PIGS: variants seen among roughly 807,000 people sequenced by gnomAD.
PIGS encodes GPI-anchor transamidase component PIGS.
Under a neutral mutation model 58.2 loss-of-function variants are expected in PIGS, and 37 were observed. That is an observed-to-expected ratio of 0.64 (90% CI 0.49 to 0.84). The LOEUF (loss-of-function observed/expected upper bound fraction) is 0.84, where lower values mean the gene tolerates loss of function less well. Ranked by LOEUF, PIGS falls within the 40% of genes least tolerant of loss-of-function variation. The pLI is 0.00. For missense variants in PIGS, 629 were observed against 710.8 expected (o/e 0.88, Z 1.31); for synonymous variants, 269 against 289.2 (o/e 0.93, Z 0.71).
rs770493956 is a variant in PIGS, at chr17:28,553,638, T to TCA, written c.*581_*582insTG. ...CAAATCTGGAACTTTCTGGAACCTC[T>TCA]GACACACACACACACACACACACAC... On this transcript the variant is annotated 3_prime_UTR_variant, in exon 12 of 12. Coordinates refer to ENST00000308360, the MANE Select transcript of PIGS (RefSeq NM_033198.4). 9 of 59,156 alleles carry TCA rather than the reference T, an allele frequency of 1.5e-4. No homozygotes were observed. In the Admixed American group the frequency reaches 1.7e-3, roughly 11 times the overall value. The allele number at this position is 59,156 out of a possible 1,614,324, so 3.7% of individuals were successfully genotyped here.
At position 28,554,252 on chromosome 17, in the gene PIGS, T is replaced by C; in HGVS notation, c.1636A>G (p.Lys546Glu). The C allele has an allele frequency of 6.2e-7, 1 of 1,614,070 alleles. No homozygotes were observed. The highest frequency in any genetic ancestry group is 1.1e-5 in the South Asian group (1 of 91,082). The part of the protein sequence containing the change: ...SLVKIFLETR[K>E]SWRKPEKTD ...GTCTTCTCAGGCTTTCTCCAGGACT[T>C]GCGGGTCTCCAGGAAGATCTTGACC... is the stretch of plus-strand genomic sequence containing the variant. Residue 546 changes from lysine (K) to glutamate (E), a missense_variant, in exon 12 of 12, where the codon AAG (lysine) becomes GAG (glutamate). Coordinates refer to ENST00000308360, the MANE Select transcript of PIGS (RefSeq NM_033198.4).
intron 10 of PIGS, 194 bp from the exon 11 acceptor site, chr17:28,555,255 C>T (rs1343118979): frequency 1.8e-6 from 1 of 546,798 alleles, no homozygotes; most frequent in African/African-American, 2.0e-5. Flanking sequence ...AACGCTGCTT[C>T]AACAGGTGTT....
chr17:28,569,433 C>T (rs1366327796), intron 3 of PIGS, among the ~76,000 whole-genome samples: 1 of 150,136 alleles, frequency 6.7e-6, no homozygotes, highest in Non-Finnish European at 1.5e-5. Context: ...CCTGATCGTG[C>T]CACCATACTC....
chr17:28,562,214 T>C (rs983043154), intron 5 of PIGS, among the ~76,000 whole-genome samples: 21 of 152,130 alleles, frequency 1.4e-4, no homozygotes, highest in African/African-American at 5.1e-4. Context: ...AAATGTAAAA[T>C]TAAATACATT....
rs1173844355 is a variant in PIGS at position 28,553,518 on chromosome 17, G to A, written c.*702C>T. The A allele has an allele frequency of 6.5e-6, 1 of 152,788 alleles. No homozygotes were observed. Among genetic ancestry groups the A allele is most frequent in the Non-Finnish European group, 1.5e-5 (1 of 68,236 alleles). The allele number at this position is 152,788 out of a possible 1,614,324, so 9.5% of individuals were successfully genotyped here. On this transcript the variant is annotated 3_prime_UTR_variant, in exon 12 of 12. Coordinates refer to ENST00000308360, the MANE Select transcript of PIGS (RefSeq NM_033198.4). ...CATCATCAGTGCCATTTGAACAAAT[G>A]AAAAACTGAGGCTCAGAGAGATTCA...
chr17:28,560,275 T>G lies in PIGS; in HGVS notation c.677-84A>C, dbSNP rs1005066141. On this transcript the variant is annotated intron_variant, in intron 6 of 11. Coordinates refer to ENST00000308360, the MANE Select transcript of PIGS (RefSeq NM_033198.4). Reference sequence around the variant, plus strand: ...CCTGTACTCCCAGCTGAGCTGAACTTGTTTCTCCTCTGGAATGGGGCTGCT... The same window carrying G: ...CCTGTACTCCCAGCTGAGCTGAACTGGTTTCTCCTCTGGAATGGGGCTGCT... The G allele has an allele frequency of 5.4e-6, 8 of 1,477,082 alleles. No individual in the cohort carries two copies. The African/African-American group carries it at 5.7e-5, about 11-fold the overall frequency. The allele number at this position is 1,477,082 out of a possible 1,614,324, so 91.5% of individuals were successfully genotyped here. A position where few individuals can be genotyped will look rare whatever the true frequency, so the allele number is the denominator to read the frequency against.
chr17:28,556,762 A>G (rs1396776666), intron 9 of PIGS, 65 bp downstream of exon 9: 7 of 1,555,410 alleles, frequency 4.5e-6, no homozygotes, highest in Non-Finnish European at 6.1e-6. Context: ...GAAGGAACAC[A>G]GTTTCAGGGA....
chr17:28,566,297 G>A (rs1373596832), intron 3 of PIGS, among the ~76,000 whole-genome samples: 2 of 111,510 alleles, frequency 1.8e-5, no homozygotes, highest in East Asian at 2.5e-4. Context: ...TTGTTTTTTT[G>A]GGTTTTTTTT....
Position 28,557,031 on chromosome 17 carries a change from G to A in PIGS, c.935-59C>T, listed in dbSNP as rs900974154. 2.4e-5 allele frequency: 39 copies of A among 1,599,074 alleles called. 1 individual carries two copies. The Middle Eastern group carries it at 6.7e-4, about 27-fold the overall frequency. On this transcript the variant is annotated intron_variant, in intron 8 of 11. Coordinates refer to ENST00000308360, the MANE Select transcript of PIGS (RefSeq NM_033198.4). ...ATGCTGGACCTGGACCTTAGTCCCA[G>A]GTCGGCCTCTAACTTGCTGGTCACT...
At position 28,554,440 on chromosome 17, in the gene PIGS, T is replaced by A. The variant is rs750835568; in HGVS notation, c.1448A>T (p.His483Leu). The A allele has an allele frequency of 3.1e-6, 5 of 1,614,024 alleles. No individual in the cohort carries two copies. In the African/African-American group the frequency reaches 6.7e-5, roughly 22 times the overall value. ...GCTGGCGACAAAGGCAGATGCCAGGTGCCCAGACGCCAACTCTTCTGCCGA... is the reference window on the plus strand; with the variant it reads ...GCTGGCGACAAAGGCAGATGCCAGGAGCCCAGACGCCAACTCTTCTGCCGA... The part of the protein sequence containing the change: ...QKSAEELASG[H>L]LASAFVASQE... Residue 483 changes from histidine to leucine, a missense_variant, in exon 12 of 12, where the codon CAC (histidine) becomes CTC (leucine). By Grantham distance (99) the His-to-Leu change is moderately conservative. Transcript: ENST00000308360.
chr17:28,571,120 A>G lies in PIGS; in HGVS notation c.103T>C (p.Trp35Arg). ...CGGTAGGTCTCCGTGGTCTTCCACC[A>G]GAGCGGTAGCCCCAGCACGATGGCC... is the stretch of plus-strand genomic sequence containing the variant. ...AVAIVLGLPL[W>R]WKTTETYRAS... Residue 35 changes from tryptophan to arginine, a missense_variant, in exon 2 of 12, where the codon TGG becomes CGG. By Grantham distance (101) the Trp-to-Arg change is moderately radical. Coordinates refer to ENST00000308360, the MANE Select transcript of PIGS (RefSeq NM_033198.4). 1 of 1,613,988 alleles carries G rather than the reference A, an allele frequency of 6.2e-7. No individual in the cohort carries two copies. The highest frequency in any genetic ancestry group is 8.5e-7 in the Non-Finnish European group (1 of 1,180,042).
intron 6 of PIGS, 58 bp downstream of exon 6, chr17:28,561,364 C>A (rs1567615958): frequency 6.4e-7 from 1 of 1,567,986 alleles, no homozygotes; most frequent in African/African-American, 1.4e-5. Flanking sequence ...GCAGATTTCC[C>A]TCCTGCCCCA....
At position 28,561,479 on chromosome 17, in the gene PIGS, G is replaced by A. The variant is rs550692270; in HGVS notation, c.619C>T (p.His207Tyr). ...GCGCTCCACTTGTCCTCTGGAAGGT[G>A]GTCAGCCAGAGCAGCAGCAAGCACA... Reference protein sequence around the residue: ...EDVLAAALADHLPEDKWSAEK... With the variant: ...EDVLAAALADYLPEDKWSAEK... Residue 207 changes from histidine (H) to tyrosine (Y), a missense_variant, in exon 6 of 12, where the codon CAC (histidine) becomes TAC (tyrosine). By Grantham distance (83) the His-to-Tyr change is moderately conservative. Transcript: ENST00000308360. 5 of 1,614,062 alleles carry A rather than the reference G, an allele frequency of 3.1e-6. No homozygotes were observed. The East Asian group carries it at 1.1e-4, about 36-fold the overall frequency.
chr17:28,557,548 C>G (rs1235894932), intron 8 of PIGS: 2 of 155,658 alleles, frequency 1.3e-5, no homozygotes, highest in Admixed American at 6.5e-5. Flanking sequence ...CTTTTCTCTA[C>G]TCAGCACTGT....
chr17:28,570,269 G>C (rs1403010162), intron 3 of PIGS, among the ~76,000 whole-genome samples: 1 of 152,244 alleles, frequency 6.6e-6, no homozygotes, highest in Non-Finnish European at 1.5e-5. Context: ...CCAACACTTT[G>C]GGAGGCTGAG....
At chr17:28,564,620 C>T (rs2070384254) in intron 3 of PIGS, among the ~76,000 whole-genome samples, 1 of 150,632 alleles carries the variant, frequency 6.6e-6, no homozygotes, top group South Asian at 2.1e-4. Context: ...GAAGCTCAGG[C>T]AAGAGAATCA....
rs2151513024 is a variant in PIGS at position 28,561,454 on chromosome 17, G to A, written c.644C>T (p.Ala215Val). The change falls in exon 6 of 12, where the codon GCT becomes GTT. Residue 215 changes from alanine to valine, a missense_variant. Coordinates refer to ENST00000308360, the MANE Select transcript of PIGS (RefSeq NM_033198.4). ...GGACTTGAGAGGCCGCCTCTTCTCA[G>A]CGCTCCACTTGTCCTCTGGAAGGTG... ...ADHLPEDKWS[A>V]EKRRPLKSSL... The A allele has an allele frequency of 1.9e-6, 3 of 1,613,976 alleles. No individual in the cohort carries two copies. The highest frequency in any genetic ancestry group is 2.2e-5 in the South Asian group (2 of 91,070).
chr17:28,561,442 C>T lies in PIGS; in HGVS notation c.656G>A (p.Arg219Gln), dbSNP rs115746061. 9.9e-6 allele frequency: 16 copies of T among 1,613,922 alleles called. No individual in the cohort carries two copies. Among genetic ancestry groups the T allele is most frequent in the African/African-American group, 2.7e-5 (2 of 75,036 alleles). ...CCTACCCAAGCTGGACTTGAGAGGC[C>T]GCCTCTTCTCAGCGCTCCACTTGTC... is the stretch of plus-strand genomic sequence containing the variant. The part of the protein sequence containing the change: ...PEDKWSAEKR[R>Q]PLKSSLGYEI... The change falls in exon 6 of 12, where the codon CGG (arginine) becomes CAG (glutamine). Residue 219 changes from arginine to glutamine, a missense_variant. Transcript: ENST00000308360.
At position 28,557,767 on chromosome 17, in the gene PIGS, G is replaced by A. The variant is rs2070340050; in HGVS notation, c.934+709C>T. ...TCTTCCTAGTTTCCACCCGAAAAAT[G>A]AAAAACTCTAATACTAGCTTCAAGG... is the stretch of plus-strand genomic sequence containing the variant. On this transcript the variant is annotated intron_variant, in intron 8 of 11. Coordinates refer to ENST00000308360, the MANE Select transcript of PIGS (RefSeq NM_033198.4). Among the ~76,000 whole-genome samples, 3 of 152,144 alleles carry A rather than the reference G, an allele frequency of 2.0e-5. No homozygotes were observed. In the South Asian group the frequency reaches 6.2e-4, roughly 32 times the overall value.
Sources: gnomAD v4.1 joint callset for allele counts (sites outside exome capture counted in the v4.1 genomes callset) on GRCh38, gnomAD v4.1.1 for gene constraint, MANE v1.5 for transcripts, NCBI Gene and HGNC (gene_info 2026-07-23, HGNC 2026-07-21) for gene names.